The following NEDD4 variants were observed in gnomAD, a reference collection of about 807,000 sequenced individuals.
The protein encoded by NEDD4 is NEDD4 E3 ubiquitin protein ligase.
NEDD4 carries 99 observed loss-of-function variants against 144.9 expected under a neutral mutation model. The ratio of observed to expected loss-of-function variants is 0.68; its 90% CI spans 0.58 to 0.81. NEDD4 has a LOEUF of 0.81. Among genes scored for constraint, NEDD4 ranks in the 30% least tolerant of loss-of-function variants. NEDD4 has a pLI of 0.00. For missense variants in NEDD4, 985 were observed against 1,065.9 expected (o/e 0.92, Z 1.06); for synonymous variants, 318 against 350.6 (o/e 0.91, Z 1.04).
chr15:55,905,504 A>G (rs1324128768), intron 5 of NEDD4, among the ~76,000 whole-genome samples: 1 of 152,214 alleles, frequency 6.6e-6, no homozygotes, highest in African/African-American at 2.4e-5. Context: ...AGAAATAACA[A>G]TAACAACAGC....
At chr15:55,834,531 T>TC (rs11397085) in intron 24 of NEDD4, among the ~76,000 whole-genome samples, 60,853 of 151,932 alleles carry the variant, frequency 0.4, 12,424 homozygotes, top group South Asian at 0.48. Context: ...AGTGGCTCAT[T>TC]CTGTAATCCC....
In NEDD4 at chr15:55,850,005, G is replaced by A. The variant is rs541884142; in HGVS notation, c.1347+537C>T. ...AAACGGGGTTTCACCATGTTAGCCA[G>A]GATGGTCTCGATCTCCATCTCCTGA... On this transcript the variant is annotated intron_variant, in intron 14 of 28. Coordinates refer to ENST00000435532, the MANE Select transcript of NEDD4 (RefSeq NM_006154.4). 1.8e-4 allele frequency among the ~76,000 whole-genome samples: 27 copies of A among 152,114 alleles called. No homozygotes were observed. In the South Asian group the frequency reaches 4.6e-3, roughly 26 times the overall value.
At chr15:55,985,736 TTATA>T (rs1243200976) in intron 1 of NEDD4, among the ~76,000 whole-genome samples, 6 of 145,506 alleles carry the variant, frequency 4.1e-5, no homozygotes, top group African/African-American at 1.1e-4. Context: ...TTGTGTATAC[TTATA>T]TATGTGTGTA....
At chr15:55,935,377 C>G (rs1230565561) in intron 4 of NEDD4, among the ~76,000 whole-genome samples, 1 of 152,008 alleles carries the variant, frequency 6.6e-6, no homozygotes, top group Admixed American at 6.6e-5. Flanking sequence ...CTATGTCTGT[C>G]AGGGATAGAC....
intron 5 of NEDD4, among the ~76,000 whole-genome samples, chr15:55,883,783 T>C: frequency 6.6e-6 from 1 of 152,090 alleles, no homozygotes; most frequent in East Asian, 1.9e-4. Context: ...AGAGACACTC[T>C]ATTTGTCTGG....
At chr15:55,960,042 A>G (rs1254223004) in intron 2 of NEDD4, among the ~76,000 whole-genome samples, 1 of 152,146 alleles carries the variant, frequency 6.6e-6, no homozygotes, top group Non-Finnish European at 1.5e-5. Flanking sequence ...CAATCCAGAT[A>G]ACTACCTTAC....
intron 2 of NEDD4, among the ~76,000 whole-genome samples, chr15:55,951,868 T>A (rs1460775854): frequency 1.3e-5 from 2 of 152,076 alleles, no homozygotes; most frequent in Non-Finnish European, 2.9e-5. Context: ...ATTTTTAAAA[T>A]TTTGTTTGAT....
At chr15:55,831,921 A>T (rs2032970753) in intron 27 of NEDD4, among the ~76,000 whole-genome samples, 1 of 152,222 alleles carries the variant, frequency 6.6e-6, no homozygotes, top group Non-Finnish European at 1.5e-5. Context: ...AAGCAAGTAA[A>T]TATCATTCCA....
At chr15:55,943,069 A>ACT in intron 4 of NEDD4, among the ~76,000 whole-genome samples, 1 of 152,366 alleles carries the variant, frequency 6.6e-6, no homozygotes, top group South Asian at 2.1e-4. Flanking sequence ...GATTTACGGT[A>ACT]TCTGGCAGAA....
chr15:55,980,246 C>T (rs1377051685), intron 1 of NEDD4, among the ~76,000 whole-genome samples: 2 of 152,172 alleles, frequency 1.3e-5, no homozygotes, highest in South Asian at 2.1e-4. Flanking sequence ...TTTTCATTAA[C>T]TTTATACCCC....
chr15:55,967,348 G>T (rs2037531026), intron 1 of NEDD4, among the ~76,000 whole-genome samples: 1 of 152,046 alleles, frequency 6.6e-6, no homozygotes, highest in African/African-American at 2.4e-5. Context: ...AGATTTAAGA[G>T]ACACATATTG....
chr15:55,963,786 G>C (rs768671283), intron 2 of NEDD4, among the ~76,000 whole-genome samples: 1 of 152,134 alleles, frequency 6.6e-6, no homozygotes, highest in South Asian at 2.1e-4. Context: ...TCAGCTGAAA[G>C]GACTTTAAGA....
At chr15:55,890,661 C>T (rs914315915) in intron 5 of NEDD4, among the ~76,000 whole-genome samples, 9 of 152,032 alleles carry the variant, frequency 5.9e-5, no homozygotes, top group African/African-American at 1.9e-4. Context: ...AGCTTTTGTA[C>T]GAACATATGT....
At chr15:55,838,363 A>G in intron 22 of NEDD4, 146 bp downstream of exon 22, 1 of 728,438 alleles carries the variant, frequency 1.4e-6, no homozygotes, top group Non-Finnish European at 2.3e-6. Flanking sequence ...TGTTAAAGAA[A>G]GTACAAATTC....
intron 11 of NEDD4, among the ~76,000 whole-genome samples, chr15:55,857,046 G>A (rs1358516849): frequency 6.6e-6 from 1 of 152,172 alleles, no homozygotes; most frequent in Non-Finnish European, 1.5e-5. Context: ...GTTTTTAAAG[G>A]AGTACATCTA....
At chr15:55,945,313 C>A (rs2037089258) in intron 4 of NEDD4, among the ~76,000 whole-genome samples, 1 of 151,996 alleles carries the variant, frequency 6.6e-6, no homozygotes, top group Admixed American at 6.6e-5. Flanking sequence ...GTAGAGAAGA[C>A]CTTAAATGAC....
chr15:55,936,531 A>C (rs1436580072), intron 4 of NEDD4, among the ~76,000 whole-genome samples: 1 of 152,204 alleles, frequency 6.6e-6, no homozygotes, highest in Admixed American at 6.5e-5. Flanking sequence ...ACTATCTTGC[A>C]TAAGTTATAT....
chr15:55,828,908 G>A lies in NEDD4; in HGVS notation c.*989C>T, dbSNP rs1430750969. The stretch of plus-strand genomic sequence containing the variant: ...AGTGATACTAAAAATATAAAAATGC[G>A]ACTACAGAAATTAGCTTAATCTGTA... On this transcript the variant is annotated 3_prime_UTR_variant, in exon 29 of 29. Transcript: ENST00000435532. The A allele has an allele frequency of 6.6e-6, 1 of 152,390 alleles. No homozygotes were observed. Among genetic ancestry groups the A allele is most frequent in the African/African-American group, 2.4e-5 (1 of 41,350 alleles). The allele number at this position is 152,390 out of a possible 1,614,324, so 9.4% of individuals were successfully genotyped here. A position where few individuals can be genotyped will look rare whatever the true frequency, so the allele number is the denominator to read the frequency against.
chr15:55,963,501 A>G (rs527813055), intron 2 of NEDD4, among the ~76,000 whole-genome samples: 2 of 152,168 alleles, frequency 1.3e-5, no homozygotes, highest in Middle Eastern at 6.8e-3. Context: ...CTTTTATTCA[A>G]CTTATACTTA....
Sources: allele counts gnomAD v4.1 joint callset (sites outside exome capture counted in the v4.1 genomes callset), GRCh38; gene constraint gnomAD v4.1.1; transcripts MANE v1.5; gene names NCBI Gene and HGNC (gene_info 2026-07-23, HGNC 2026-07-21).